Variants in TOMM20L observed in about 807,000 individuals in gnomAD.
The protein encoded by TOMM20L is TOMM20-like protein 1.
In TOMM20L, 19 loss-of-function variants were observed where a neutral mutation model predicts 20.4. The observed-to-expected ratio is 0.93, with a 90% CI of 0.65 to 1.36. TOMM20L has a LOEUF of 1.36. Among genes scored for constraint, TOMM20L ranks in the 40% most tolerant of loss-of-function variants. TOMM20L has a pLI of 0.00. For synonymous variants in TOMM20L, 75 were observed against 79.6 expected (o/e 0.94, Z 0.30); for missense variants, 218 against 203.7 (o/e 1.07, Z -0.43).
At chr14:58,403,458 C>A (rs1169039210) in intron 3 of TOMM20L, among the ~76,000 whole-genome samples, 1 of 152,158 alleles carries the variant, frequency 6.6e-6, no homozygotes, top group Non-Finnish European at 1.5e-5. Flanking sequence ...AATTAATTCC[C>A]TATGAATGTC....
At chr14:58,396,823 G>C (rs923498698) in intron 2 of TOMM20L, among the ~76,000 whole-genome samples, 2 of 152,206 alleles carry the variant, frequency 1.3e-5, no homozygotes, top group Admixed American at 1.3e-4. Flanking sequence ...GGCCGGGCTT[G>C]GTGGCTCACG....
At chr14:58,407,175 A>C in intron 3 of TOMM20L, 151 bp from the exon 4 acceptor site, 1 of 658,038 alleles carries the variant, frequency 1.5e-6, no homozygotes, top group Non-Finnish European at 2.4e-6. Flanking sequence ...CATCTTCCTC[A>C]TATTTGTACT....
chr14:58,402,562 A>G, intron 2 of TOMM20L, 118 bp from the exon 3 acceptor site: 1 of 715,494 alleles, frequency 1.4e-6, no homozygotes, highest in South Asian at 1.7e-5. Flanking sequence ...TGTTGGGATT[A>G]CAGGTGTGAG....
At chr14:58,407,084 G>A (rs1555369250) in intron 3 of TOMM20L, among the ~76,000 whole-genome samples, 1 of 152,094 alleles carries the variant, frequency 6.6e-6, no homozygotes, top group South Asian at 2.1e-4. Flanking sequence ...CAATGCAAGA[G>A]TATACTTCTA....
rs1481588778 is a variant in TOMM20L at position 58,396,345 on chromosome 14, C to T, written c.180+4C>T. 2.5e-6 allele frequency: 4 copies of T among 1,613,100 alleles called. No individual in the cohort carries two copies. On this transcript the variant is annotated splice_donor_region_variant and intron_variant, in intron 2 of 4. Coordinates refer to ENST00000360945, the MANE Select transcript of TOMM20L (RefSeq NM_207377.3). ...GGCTGAGGAGCAGGGCACGCAGGTG[C>T]AGTGCTTTCGATCCGCACAGGTAGC...
At chr14:58,414,834 C>G in the TOMM20L span, among the ~76,000 whole-genome samples, 2 of 152,052 alleles carry the variant, frequency 1.3e-5, no homozygotes, top group African/African-American at 2.4e-5. Context: ...GAAAAGCCTC[C>G]CCACTCCCCA....
At chr14:58,415,556 T>C in the TOMM20L span, among the ~76,000 whole-genome samples, 3 of 151,670 alleles carry the variant, frequency 2.0e-5, no homozygotes, top group African/African-American at 7.3e-5. Flanking sequence ...AAGTGAAAAA[T>C]ACAATAACCA....
chr14:58,416,945 C>T, the TOMM20L span, among the ~76,000 whole-genome samples: 1 of 152,226 alleles, frequency 6.6e-6, no homozygotes, highest in African/African-American at 2.4e-5. Flanking sequence ...ATGTCCCCAC[C>T]CAAATCTCAT....
Position 58,396,075 on chromosome 14 carries a change from A to C in TOMM20L, c.118A>C (p.Lys40Gln). 7.1e-7 allele frequency: 1 copy of C among 1,399,168 alleles called. No homozygotes were observed. Among genetic ancestry groups the C allele is most frequent in the Non-Finnish European group, 9.3e-7 (1 of 1,072,236 alleles). 86.7% of individuals were successfully genotyped at this position (1,399,168 alleles called of 1,614,324 possible). ...GAAGCGGCGCGGGGACCCCGCGTTC[A>C]AGCGCCGCCTGCGGGACAGTGAGTG... ...NRKRRGDPAFKRRLRDKRRAE... is the reference protein window; with the variant it reads ...NRKRRGDPAFQRRLRDKRRAE... Residue 40 changes from lysine (K) to glutamine (Q), a missense_variant, in exon 1 of 5, where the codon AAG (lysine) becomes CAG (glutamine). Transcript: ENST00000360945.
downstream of TOMM20L, chr14:58,411,823 C>T: frequency 7.8e-7 from 1 of 1,285,394 alleles, no homozygotes. Flanking sequence ...AGATGTGAGC[C>T]ACTGCACCCA....
rs968093345 is a variant in TOMM20L at position 58,407,375 on chromosome 14, C to T, written c.312C>T (p.Cys104=). ...ACCTCGGCAATGCCCTTTTAGTGTG[C>T]GAGCAACCACGGGAACTTCTGAAAG... ...IQHLGNALLV[C]EQPRELLKVF... Residue 104 remains cysteine (C), a synonymous_variant, in exon 4 of 5, where the codon TGC becomes TGT. Transcript: ENST00000360945. 26 of 1,613,420 alleles carry T rather than the reference C, an allele frequency of 1.6e-5. No individual in the cohort carries two copies. In the East Asian group the frequency reaches 2.9e-4, roughly 18 times the overall value.
Position 58,404,099 on chromosome 14 carries a change from G to GTGTGTGTGTATATATATATATATA in TOMM20L, c.262+1339_262+1340insGTGTGTGTATATATATATATATAT, listed in dbSNP as rs1408980666. Among the ~76,000 whole-genome samples the GTGTGTGTGTATATATATATATATA allele has an allele frequency of 5.2e-4, 12 of 22,942 alleles. 1 individual carries two copies. Among genetic ancestry groups the GTGTGTGTGTATATATATATATATA allele is most frequent in the African/African-American group, 1.2e-3 (9 of 7,558 alleles). The allele number at this position is 22,942 out of a possible 152,430, so 15.1% of individuals were successfully genotyped here. A position where few individuals can be genotyped will look rare whatever the true frequency, so the allele number is the denominator to read the frequency against. On this transcript the variant is annotated intron_variant, in intron 3 of 4. Coordinates refer to ENST00000360945, the MANE Select transcript of TOMM20L (RefSeq NM_207377.3). The stretch of plus-strand genomic sequence containing the variant: ...GTACAATGTATATATACATATATAT[G>GTGTGTGTGTATATATATATATATA]TATATATATATATATATATATTTTT...
At chr14:58,402,807 G>A in intron 3 of TOMM20L, 46 bp downstream of exon 3, 1 of 1,367,190 alleles carries the variant, frequency 7.3e-7, no homozygotes. Flanking sequence ...GCTTATACTT[G>A]AGAAATATTT....
downstream of TOMM20L, chr14:58,411,865 A>AT: frequency 6.3e-7 from 1 of 1,599,034 alleles, no homozygotes; most frequent in Non-Finnish European, 8.6e-7. Context: ...AGCACCTTAC[A>AT]TTTTTTTGCA....
intron 3 of TOMM20L, among the ~76,000 whole-genome samples, chr14:58,404,859 TAC>T (rs1192436346): frequency 1.3e-5 from 2 of 152,192 alleles, no homozygotes; most frequent in Non-Finnish European, 2.9e-5. Context: ...TGACAAAATG[TAC>T]AGTTAGAACT....
downstream of TOMM20L, among the ~76,000 whole-genome samples, chr14:58,409,460 C>T (rs538289892): frequency 6.6e-6 from 1 of 152,278 alleles, no homozygotes; most frequent in South Asian, 2.1e-4. Flanking sequence ...AAGTGAAAGC[C>T]CACATTCCTG....
intron 2 of TOMM20L, among the ~76,000 whole-genome samples, chr14:58,399,885 C>CATAT (rs869260438): frequency 0.073 from 2,709 of 37,198 alleles, 215 homozygotes; most frequent in Non-Finnish European, 0.086. Flanking sequence ...TGCTCTATTG[C>CATAT]ATATATATAT....
At chr14:58,411,871 T>C, downstream of TOMM20L, 1 of 1,606,954 alleles carries the variant, frequency 6.2e-7, no homozygotes, top group Non-Finnish European at 8.5e-7. Flanking sequence ...TTACATTTTT[T>C]TGCAAAATCT....
At chr14:58,404,113 A>T (rs1297134257) in intron 3 of TOMM20L, among the ~76,000 whole-genome samples, 2 of 16,538 alleles carry the variant, frequency 1.2e-4, no homozygotes, top group Non-Finnish European at 3.2e-4. Flanking sequence ...ATATATATAT[A>T]TATATATTTT....
Sources: allele counts gnomAD v4.1 joint callset (sites outside exome capture counted in the v4.1 genomes callset), GRCh38; gene constraint gnomAD v4.1.1; transcripts MANE v1.5; gene names NCBI Gene and HGNC (gene_info 2026-07-23, HGNC 2026-07-21).